DERA: variants seen among roughly 807,000 people sequenced by gnomAD.
The protein encoded by DERA is 2-deoxy-D-ribose 5-phosphate aldolase.
In DERA, 15 loss-of-function variants were observed where a neutral mutation model predicts 41.1. The observed-to-expected ratio is 0.37, with a 90% CI of 0.24 to 0.56. The LOEUF (loss-of-function observed/expected upper bound fraction) is 0.56, where lower values mean the gene tolerates loss of function less well. Ranked by LOEUF, DERA falls within the 20% of genes least tolerant of loss-of-function variation. The pLI, the probability that DERA is intolerant of heterozygous loss-of-function variation, is 0.81. For missense variants in DERA, 396 were observed against 403.4 expected (o/e 0.98, Z 0.16); for synonymous variants, 139 against 137.4 (o/e 1.01, Z -0.08).
Position 15,998,933 on chromosome 12 carries a change from T to C in DERA, c.637+16497T>C, listed in dbSNP as rs1417653348. 6.6e-6 allele frequency among the ~76,000 whole-genome samples: 1 copy of C among 152,224 alleles called. No individual in the cohort carries two copies. The highest frequency in any genetic ancestry group is 1.5e-5 in the Non-Finnish European group (1 of 68,040). ...GTGTTTTTCTAAGAGCAAGAATTTA[T>C]ATTTTAAATTTAGGTCTCTCAGGAC... is the stretch of plus-strand genomic sequence containing the variant. On this transcript the variant is annotated intron_variant, in intron 6 of 8. Transcript: ENST00000428559. The surrounding 1 kb of genome is among the most constrained non-coding windows in gnomAD (Gnocchi z 4.8).
At chr12:15,949,135 A>G (rs915216677) in intron 1 of DERA, among the ~76,000 whole-genome samples, 1 of 151,980 alleles carries the variant, frequency 6.6e-6, no homozygotes, top group Non-Finnish European at 1.5e-5. Context: ...CAGTTAGGCT[A>G]CTCAGGGGTC....
chr12:15,929,849 G>C (rs1948314850), intron 1 of DERA, among the ~76,000 whole-genome samples: 1 of 152,152 alleles, frequency 6.6e-6, no homozygotes, highest in African/African-American at 2.4e-5. Flanking sequence ...TTTGGTTATA[G>C]AGTTTGAGCC....
rs1161997286 is a variant in DERA at position 16,000,307 on chromosome 12, A to G, written c.637+17871A>G. Among the ~76,000 whole-genome samples the G allele has an allele frequency of 6.6e-6, 1 of 152,228 alleles. No individual in the cohort carries two copies. The highest frequency in any genetic ancestry group is 1.5e-5 in the Non-Finnish European group (1 of 68,038). ...TTTCCTCTACTTTTCTGTTCTTGCA[A>G]CAAGGAAAAACATAGTAACGTTTTT... is the stretch of plus-strand genomic sequence containing the variant. On this transcript the variant is annotated intron_variant, in intron 6 of 8. Transcript: ENST00000428559. The surrounding 1 kb of genome is among the most constrained non-coding windows in gnomAD (Gnocchi z 4.8).
At position 15,999,643 on chromosome 12, in the gene DERA, G is replaced by A. The variant is rs1948861456; in HGVS notation, c.637+17207G>A. Among the ~76,000 whole-genome samples, 1 of 152,178 alleles carries A rather than the reference G, an allele frequency of 6.6e-6. No homozygotes were observed. The highest frequency in any genetic ancestry group is 2.4e-5 in the African/African-American group (1 of 41,442). On this transcript the variant is annotated intron_variant, in intron 6 of 8. Coordinates refer to ENST00000428559, the MANE Select transcript of DERA (RefSeq NM_015954.4). This position sits in a 1 kb window ranked among gnomAD's most constrained non-coding sequence, Gnocchi z 5.3. The stretch of plus-strand genomic sequence containing the variant: ...GCTGGAGAGTAAATGGAAAGTGGCA[G>A]AAGAGGTGGGGATGAAGCTAGTAAA...
chr12:16,021,473 C>T lies in DERA; in HGVS notation c.638-11069C>T, dbSNP rs531246668. On this transcript the variant is annotated intron_variant, in intron 6 of 8. Coordinates refer to ENST00000428559, the MANE Select transcript of DERA (RefSeq NM_015954.4). This position sits in a 1 kb window ranked among gnomAD's most constrained non-coding sequence, Gnocchi z 5.3. ...AAGACTGGGTACCCAGGCAGGGATT[C>T]TCTACTAAGGCAGTGCTGAAGGGAA... Among the ~76,000 whole-genome samples, 1 of 152,358 alleles carries T rather than the reference C, an allele frequency of 6.6e-6. No individual in the cohort carries two copies. Among genetic ancestry groups the T allele is most frequent in the East Asian group, 1.9e-4 (1 of 5,184 alleles).
At position 15,981,164 on chromosome 12, in the gene DERA, C is replaced by T. The variant is rs1473272640; in HGVS notation, c.509-1144C>T. 4.6e-5 allele frequency among the ~76,000 whole-genome samples: 7 copies of T among 152,108 alleles called. No individual in the cohort carries two copies. The highest frequency in any genetic ancestry group is 3.9e-4 in the East Asian group (2 of 5,160). ...GAGATCGAGACCATCCTGGTTAACA[C>T]GGTGAAACCCCGTCTCTACTAAAAC... is the stretch of plus-strand genomic sequence containing the variant. On this transcript the variant is annotated intron_variant, in intron 5 of 8. Coordinates refer to ENST00000428559, the MANE Select transcript of DERA (RefSeq NM_015954.4). This position sits in a 1 kb window ranked among gnomAD's most constrained non-coding sequence, Gnocchi z 6.1.
Position 15,957,096 on chromosome 12 carries a change from G to A in DERA, c.129+63G>A. ...ACAATGCATGGTCTCTTCCCTCAAG[G>A]CCACAATATTGAATTTCACTCAAGA... On this transcript the variant is annotated intron_variant, in intron 2 of 8. Transcript: ENST00000428559. This position sits in a 1 kb window ranked among gnomAD's most constrained non-coding sequence, Gnocchi z 4.8. 7.9e-7 allele frequency: 1 copy of A among 1,260,716 alleles called. No individual in the cohort carries two copies. The allele number at this position is 1,260,716 out of a possible 1,614,324, so 78.1% of individuals were successfully genotyped here. A position where few individuals can be genotyped will look rare whatever the true frequency, so the allele number is the denominator to read the frequency against.
chr12:15,929,542 T>G (rs1948312467), intron 1 of DERA, among the ~76,000 whole-genome samples: 1 of 152,202 alleles, frequency 6.6e-6, no homozygotes, highest in Admixed American at 6.5e-5. Flanking sequence ...ACATGTTAGA[T>G]GCCTGCTGTT....
rs1948268654 is a variant in DERA at position 15,924,602 on chromosome 12, A to G, written c.31+13188A>G. On this transcript the variant is annotated intron_variant, in intron 1 of 8. Coordinates refer to ENST00000428559, the MANE Select transcript of DERA (RefSeq NM_015954.4). This position sits in a 1 kb window ranked among gnomAD's most constrained non-coding sequence, Gnocchi z 5.0. ...AGCTTCAGCTGTTTCCTTATCTGTAAAATGGACCTAATGGCTACCTGGTAG... is the reference window on the plus strand; with the variant it reads ...AGCTTCAGCTGTTTCCTTATCTGTAGAATGGACCTAATGGCTACCTGGTAG... Among the ~76,000 whole-genome samples, 1 of 152,188 alleles carries G rather than the reference A, an allele frequency of 6.6e-6. No individual in the cohort carries two copies. The highest frequency in any genetic ancestry group is 2.1e-4 in the South Asian group (1 of 4,830).
intron 5 of DERA, among the ~76,000 whole-genome samples, chr12:15,964,630 C>T (rs952505738): frequency 1.3e-5 from 2 of 152,100 alleles, no homozygotes; most frequent in African/African-American, 2.4e-5. Flanking sequence ...AGTGAGTAAG[C>T]GTAGTATTTA....
chr12:15,988,656 G>A lies in DERA; in HGVS notation c.637+6220G>A, dbSNP rs569046340. 1.2e-3 allele frequency among the ~76,000 whole-genome samples: 190 copies of A among 152,244 alleles called. No homozygotes were observed. The highest frequency in any genetic ancestry group is 4.1e-3 in the African/African-American group (169 of 41,544). Reference sequence around the variant, plus strand: ...CAATGAAGTTCTCACTCCAGGCTGTGGCCTTCACTCAGACCTGGCAGCCTG... The same window carrying A: ...CAATGAAGTTCTCACTCCAGGCTGTAGCCTTCACTCAGACCTGGCAGCCTG... On this transcript the variant is annotated intron_variant, in intron 6 of 8. Coordinates refer to ENST00000428559, the MANE Select transcript of DERA (RefSeq NM_015954.4). This position sits in a 1 kb window ranked among gnomAD's most constrained non-coding sequence, Gnocchi z 6.0.
At chr12:16,023,668 G>A (rs910746608) in intron 6 of DERA, among the ~76,000 whole-genome samples, 1 of 151,488 alleles carries the variant, frequency 6.6e-6, no homozygotes, top group East Asian at 2.0e-4. Flanking sequence ...TAGTAGAGAC[G>A]GGGTTTCACC....
chr12:15,970,551 G>A lies in DERA; in HGVS notation c.508+7604G>A, dbSNP rs1256524483. 6.6e-6 allele frequency among the ~76,000 whole-genome samples: 1 copy of A among 151,952 alleles called. No homozygotes were observed. Among genetic ancestry groups the A allele is most frequent in the Non-Finnish European group, 1.5e-5 (1 of 67,996 alleles). Reference sequence around the variant, plus strand: ...GTTAATTTTATTTATTTATTTATAAGTGTTTTTAGCTTTTTGAGGGTTTTT... The same window carrying A: ...GTTAATTTTATTTATTTATTTATAAATGTTTTTAGCTTTTTGAGGGTTTTT... On this transcript the variant is annotated intron_variant, in intron 5 of 8. Transcript: ENST00000428559. The surrounding 1 kb of genome is among the most constrained non-coding windows in gnomAD (Gnocchi z 4.3).
Position 15,938,533 on chromosome 12 carries a change from G to A in DERA, c.32-18403G>A, listed in dbSNP as rs978831057. Among the ~76,000 whole-genome samples, 1 of 152,094 alleles carries A rather than the reference G, an allele frequency of 6.6e-6. No homozygotes were observed. The highest frequency in any genetic ancestry group is 2.4e-5 in the African/African-American group (1 of 41,436). ...TCTATGTGTCTAAGTTGCATTTTGT[G>A]TTTATTAAGTTTAAAATTCTTGATA... On this transcript the variant is annotated intron_variant, in intron 1 of 8. Coordinates refer to ENST00000428559, the MANE Select transcript of DERA (RefSeq NM_015954.4). This position sits in a 1 kb window ranked among gnomAD's most constrained non-coding sequence, Gnocchi z 4.1.
intron 4 of DERA, among the ~76,000 whole-genome samples, chr12:15,960,830 T>C (rs1948582312): frequency 6.6e-6 from 1 of 152,064 alleles, no homozygotes; most frequent in Non-Finnish European, 1.5e-5. Context: ...GAACCACATG[T>C]TAGACAGAGG....
rs1032192963 is a variant in DERA at position 15,954,137 on chromosome 12, T to A, written c.32-2799T>A. On this transcript the variant is annotated intron_variant, in intron 1 of 8. Transcript: ENST00000428559. The surrounding 1 kb of genome is among the most constrained non-coding windows in gnomAD (Gnocchi z 4.0). ...CAAAATTGGTTTTTAAGGGGAAAGT[T>A]CCCAGGCATCCCATTCATACCTCAG... Among the ~76,000 whole-genome samples the A allele has an allele frequency of 6.6e-6, 1 of 152,156 alleles. No homozygotes were observed. The highest frequency in any genetic ancestry group is 1.5e-5 in the Non-Finnish European group (1 of 68,026).
intron 5 of DERA, among the ~76,000 whole-genome samples, chr12:15,977,214 A>G (rs1592030336): frequency 2.0e-5 from 3 of 152,130 alleles, no homozygotes; most frequent in African/African-American, 7.2e-5. Flanking sequence ...ACATCCTTCT[A>G]CGTTCTGAGT....
intron 1 of DERA, among the ~76,000 whole-genome samples, chr12:15,952,092 G>T (rs955029045): frequency 6.6e-6 from 1 of 152,022 alleles, no homozygotes; most frequent in Admixed American, 6.6e-5. Flanking sequence ...GTGGAGACAG[G>T]GTTTCACCAT....
intron 1 of DERA, among the ~76,000 whole-genome samples, chr12:15,948,770 G>A (rs1387018165): frequency 6.6e-6 from 1 of 152,162 alleles, no homozygotes; most frequent in Non-Finnish European, 1.5e-5. Flanking sequence ...ACGGGGAGAG[G>A]CACTCTGATT....
Sources: gnomAD v4.1 joint callset for allele counts (sites outside exome capture counted in the v4.1 genomes callset) on GRCh38, gnomAD v4.1.1 for gene constraint, Gnocchi (gnomAD v3.1) non-coding constraint, MANE v1.5 for transcripts, NCBI Gene and HGNC (gene_info 2026-07-23, HGNC 2026-07-21) for gene names.